The following SLC71A2 variants were observed in gnomAD, a reference collection of about 807,000 sequenced individuals.
SLC71A2 encodes solute carrier family 71 member 2.
chr9:94,401,891 T>G, the SLC71A2 span, among the ~76,000 whole-genome samples: 2 of 152,192 alleles, frequency 1.3e-5, no homozygotes, highest in Non-Finnish European at 2.9e-5. Context: ...CTGGTGCCCA[T>G]TTTTATGGCT....
At chr9:94,402,256 C>T in the SLC71A2 span, among the ~76,000 whole-genome samples, 4 of 152,306 alleles carry the variant, frequency 2.6e-5, no homozygotes, top group Non-Finnish European at 4.4e-5. Context: ...GTTCACACGC[C>T]TCTGACAGTT....
the SLC71A2 span, among the ~76,000 whole-genome samples, chr9:94,455,378 ATTTT>A: frequency 3.5e-5 from 3 of 85,778 alleles, no homozygotes; most frequent in African/African-American, 1.0e-4. Flanking sequence ...TAATATTCTG[ATTTT>A]TTTTTTTTTT....
chr9:94,438,887 A>T, the SLC71A2 span, among the ~76,000 whole-genome samples: 1 of 152,198 alleles, frequency 6.6e-6, no homozygotes. Flanking sequence ...CTTTGTAAAT[A>T]TATTATTTTT....
At chr9:94,459,168 T>C in the SLC71A2 span, 103 of 1,613,406 alleles carry the variant, frequency 6.4e-5, no homozygotes, top group African/African-American at 1.3e-3. Context: ...CAGGGAGCTG[T>C]CATCCCAGGC....
At chr9:94,434,505 C>T in the SLC71A2 span, among the ~76,000 whole-genome samples, 4,875 of 152,150 alleles carry the variant, frequency 0.032, 262 homozygotes, top group African/African-American at 0.11. Context: ...TTAGTAGAGA[C>T]GGGGTTTCAC....
At chr9:94,453,818 G>A in the SLC71A2 span, 2 of 642,894 alleles carry the variant, frequency 3.1e-6, no homozygotes, top group Non-Finnish European at 5.6e-6. Context: ...CATCAGTACT[G>A]TCCAGACTCT....
the SLC71A2 span, among the ~76,000 whole-genome samples, chr9:94,398,279 T>A: frequency 6.6e-6 from 1 of 150,570 alleles, no homozygotes; most frequent in Non-Finnish European, 1.5e-5. Flanking sequence ...GGCTGCTACT[T>A]CTTAAGGCCC....
chr9:94,433,860 T>C, the SLC71A2 span, among the ~76,000 whole-genome samples: 1 of 152,092 alleles, frequency 6.6e-6, no homozygotes, highest in Non-Finnish European at 1.5e-5. Flanking sequence ...CTCATAAACT[T>C]GGAAAGAAAC....
the SLC71A2 span, among the ~76,000 whole-genome samples, chr9:94,391,314 G>A: frequency 1.3e-5 from 2 of 150,040 alleles, no homozygotes; most frequent in Non-Finnish European, 3.0e-5. Flanking sequence ...AGTGAGCTGT[G>A]ATCAGGCCAC....
At chr9:94,454,523 C>T in the SLC71A2 span, among the ~76,000 whole-genome samples, 3 of 147,364 alleles carry the variant, frequency 2.0e-5, no homozygotes, top group Non-Finnish European at 4.4e-5. Flanking sequence ...ATTCACCACA[C>T]GCCCGGCTAA....
chr9:94,458,223 C>T, the SLC71A2 span: 11 of 1,026,780 alleles, frequency 1.1e-5, no homozygotes, highest in South Asian at 3.6e-5. Flanking sequence ...TCAGTCTTGC[C>T]GAATTAGTGT....
the SLC71A2 span, among the ~76,000 whole-genome samples, chr9:94,440,368 T>A: frequency 3.3e-5 from 5 of 152,148 alleles, no homozygotes; most frequent in Non-Finnish European, 7.4e-5. Context: ...TTAGCCAGGA[T>A]GGTCTCAATC....
the SLC71A2 span, among the ~76,000 whole-genome samples, chr9:94,450,493 C>CTTTTTTTTTTTTTTTTTTTTTTTTTTTTT: frequency 5.9e-5 from 6 of 102,020 alleles, no homozygotes; most frequent in Admixed American, 1.2e-4. Context: ...AATAATGTAA[C>CTTTTTTTTTTTTTTTTTTTTTTTTTTTTT]TTTTTTTTTT....
chr9:94,428,035 A>T, the SLC71A2 span, among the ~76,000 whole-genome samples: 1 of 151,950 alleles, frequency 6.6e-6, no homozygotes, highest in Non-Finnish European at 1.5e-5. Context: ...GGCAAGGAGA[A>T]TCGCTTGAAC....
the SLC71A2 span, among the ~76,000 whole-genome samples, chr9:94,375,655 A>T: frequency 9.7e-4 from 147 of 152,202 alleles, no homozygotes; most frequent in Non-Finnish European, 1.9e-3. Flanking sequence ...CCTGAAATAT[A>T]GAGAATGTTA....
At chr9:94,459,379 TGAG>T in the SLC71A2 span, 1 of 1,614,060 alleles carries the variant, frequency 6.2e-7, no homozygotes, top group Non-Finnish European at 8.5e-7. Context: ...TCTCTTCATT[TGAG>T]GAGCCTGGGA....
At chr9:94,460,712 A>ATCT in the SLC71A2 span, 1 of 152,590 alleles carries the variant, frequency 6.6e-6, no homozygotes, top group Admixed American at 6.5e-5. Context: ...TGCTGTGTAA[A>ATCT]TCTTGTATTT....
the SLC71A2 span, among the ~76,000 whole-genome samples, chr9:94,450,215 T>TAATA: frequency 6.6e-6 from 1 of 152,208 alleles, no homozygotes; most frequent in Non-Finnish European, 1.5e-5. Flanking sequence ...AATTCTATCT[T>TAATA]AATAAAGCTC....
the SLC71A2 span, chr9:94,456,146 C>A: frequency 2.7e-6 from 2 of 744,396 alleles, no homozygotes; most frequent in Non-Finnish European, 4.4e-6. Context: ...CAGGAGAAAA[C>A]AAGGCATTTG....
Sources: gnomAD v4.1 joint callset for allele counts (sites outside exome capture counted in the v4.1 genomes callset) on GRCh38, gnomAD v4.1.1 for gene constraint, MANE v1.5 for transcripts, NCBI Gene and HGNC (gene_info 2026-07-23, HGNC 2026-07-21) for gene names.